Variants in RIIAD1 observed in about 807,000 individuals in gnomAD.
RIIAD1 encodes the protein RIIa domain-containing protein 1.
In RIIAD1, 15 loss-of-function variants were observed where a neutral mutation model predicts 13.3. That is an observed-to-expected ratio of 1.13 (90% CI 0.76 to 1.74). The LOEUF is 1.74. Among genes scored for constraint, RIIAD1 ranks in the 40% most tolerant of loss-of-function variants. RIIAD1 has a pLI of 0.00. For synonymous variants in RIIAD1, 50 were observed against 43.3 expected (o/e 1.16, Z -0.61); for missense variants, 121 against 112.2 (o/e 1.08, Z -0.35).
chr1:151,717,959 G>A (rs1463753518), upstream of RIIAD1, among the ~76,000 whole-genome samples: 2 of 152,094 alleles, frequency 1.3e-5, no homozygotes, highest in Non-Finnish European at 2.9e-5. Flanking sequence ...CTTGTCAGTG[G>A]TGGTAGCCCT....
chr1:151,726,075 G>A (rs1172176035), intron 2 of RIIAD1, among the ~76,000 whole-genome samples: 1 of 152,132 alleles, frequency 6.6e-6, no homozygotes, highest in Non-Finnish European at 1.5e-5. Context: ...CTCTTTCTGG[G>A]CCTTTGCTCT....
chr1:151,729,031 T>C (rs1647256716), intron 4 of RIIAD1, 138 bp downstream of exon 4: 2 of 592,150 alleles, frequency 3.4e-6, no homozygotes, highest in Admixed American at 5.9e-5. Flanking sequence ...GTTTTTCCTC[T>C]ACTGTTTTGG....
At chr1:151,727,120 C>T (rs991274384) in intron 2 of RIIAD1, among the ~76,000 whole-genome samples, 3 of 151,944 alleles carry the variant, frequency 2.0e-5, no homozygotes, top group African/African-American at 4.8e-5. Flanking sequence ...AAGACTCTGC[C>T]GCTACAAAAA....
In RIIAD1 at chr1:151,722,460, T is replaced by C. The variant is rs139634265; in HGVS notation, c.161+298T>C. The stretch of plus-strand genomic sequence containing the variant: ...GCCCTTCCCTACTTGAAAACATTAC[T>C]GTAGAAAAATTCCAAGGGTTGGAAG... On this transcript the variant is annotated intron_variant, in intron 2 of 4. Transcript: ENST00000479191. Among the ~76,000 whole-genome samples, 14 of 152,292 alleles carry C rather than the reference T, an allele frequency of 9.2e-5. No individual in the cohort carries two copies. The East Asian group carries it at 2.5e-3, about 27-fold the overall frequency.
chr1:151,716,575 C>G (rs569912984), upstream of RIIAD1: 1 of 344,780 alleles, frequency 2.9e-6, no homozygotes. Context: ...CTGCTGGGTC[C>G]GAAGATCCCT....
Position 151,716,070 on chromosome 1 carries a change from G to T in RIIAD1, c.21+1541G>T, listed in dbSNP as rs776182023. 4 of 1,540,840 alleles carry T rather than the reference G, an allele frequency of 2.6e-6. No individual in the cohort carries two copies. In the Admixed American group the frequency reaches 6.1e-5, roughly 23 times the overall value. On this transcript the variant is annotated intron_variant, in intron 4 of 8. Coordinates refer to the RIIAD1 transcript ENST00000326413. Reference sequence around the variant, plus strand: ...GAGGGGAGCAGGGAGAGGCCCAAAGGCCAAGGGGAGCTGCCCAGCAAGGAG... The same window carrying T: ...GAGGGGAGCAGGGAGAGGCCCAAAGTCCAAGGGGAGCTGCCCAGCAAGGAG...
chr1:151,726,981 T>A (rs1010666727), intron 2 of RIIAD1, among the ~76,000 whole-genome samples: 2 of 152,184 alleles, frequency 1.3e-5, no homozygotes, highest in Non-Finnish European at 2.9e-5. Flanking sequence ...TGGCTTGAGA[T>A]CTGGTTCAGT....
At chr1:151,714,529 G>A (rs1465780350) in exon 4 of RIIAD1, 25 of 1,152,628 alleles carry the variant, frequency 2.2e-5, no homozygotes, top group Non-Finnish European at 2.8e-5. Context: ...TCAGGAGGGT[G>A]GTGAGCCTCC....
intron 2 of RIIAD1, 36 bp from the exon 3 acceptor site, chr1:151,727,539 A>G (rs902143043): frequency 1.4e-6 from 2 of 1,434,860 alleles, no homozygotes; most frequent in African/African-American, 2.8e-5. Context: ...GTTAAAGTCT[A>G]CTTTACCTCC....
At position 151,722,152 on chromosome 1, in the gene RIIAD1, G is replaced by C; in HGVS notation, c.151G>C (p.Gly51Arg). 1 of 1,549,286 alleles carries C rather than the reference G, an allele frequency of 6.5e-7. No homozygotes were observed. The highest frequency in any genetic ancestry group is 8.7e-7 in the Non-Finnish European group (1 of 1,144,856). Residue 51 changes from glycine to arginine, a missense_variant, in exon 2 of 5, where the codon GGT (glycine) becomes CGT (arginine). Gly to Arg is a moderately radical substitution (Grantham distance 125). Coordinates refer to ENST00000479191, the MANE Select transcript of RIIAD1 (RefSeq NM_001144956.3). ...THKEVEWLIS[G>R]FFREIFLKRP... The stretch of plus-strand genomic sequence containing the variant: ...CAAAGAAGTAGAGTGGCTCATAAGT[G>C]GTTTCTTCAGGTAGGTGGTTTTCCA...
chr1:151,728,046 G>A (rs1222237508), intron 3 of RIIAD1, among the ~76,000 whole-genome samples: 1 of 152,192 alleles, frequency 6.6e-6, no homozygotes, highest in African/African-American at 2.4e-5. Context: ...AGACTCCCCA[G>A]GTGATTCTAA....
rs1035984443 is a variant in RIIAD1 at position 151,722,015 on chromosome 1, C to T, written c.85-71C>T. The stretch of plus-strand genomic sequence containing the variant: ...AAATGCGCACGCCGTTTCCCGCAGC[C>T]CTTCACATCTCCAGGGCTGAACCCT... On this transcript the variant is annotated intron_variant, in intron 1 of 4. Coordinates refer to ENST00000479191, the MANE Select transcript of RIIAD1 (RefSeq NM_001144956.3). The T allele has an allele frequency of 3.7e-6, 4 of 1,093,322 alleles. 1 individual carries two copies. The South Asian group carries it at 4.0e-5, about 11-fold the overall frequency. The allele number at this position is 1,093,322 out of a possible 1,614,324, so 67.7% of individuals were successfully genotyped here. A position where few individuals can be genotyped will look rare whatever the true frequency, so the allele number is the denominator to read the frequency against.
At chr1:151,719,819 C>A, upstream of RIIAD1, 1 of 586,788 alleles carries the variant, frequency 1.7e-6, no homozygotes, top group Non-Finnish European at 3.0e-6. Context: ...GATTGATTAT[C>A]AAAGCACAAG....
chr1:151,716,865 TC>T (rs1393482504), upstream of RIIAD1: 3 of 440,182 alleles, frequency 6.8e-6, no homozygotes, highest in Non-Finnish European at 1.4e-5. Flanking sequence ...GTGATGTCAG[TC>T]TCAGGGGTCG....
At chr1:151,718,943 C>A (rs1673688451), upstream of RIIAD1, among the ~76,000 whole-genome samples, 1 of 152,212 alleles carries the variant, frequency 6.6e-6, no homozygotes, top group Non-Finnish European at 1.5e-5. Flanking sequence ...CTGTTGATCT[C>A]ATTACTCTAT....
chr1:151,717,607 G>A (rs1344951156), upstream of RIIAD1, among the ~76,000 whole-genome samples: 3 of 152,086 alleles, frequency 2.0e-5, no homozygotes, highest in African/African-American at 7.2e-5. Flanking sequence ...TGCGTAGCAG[G>A]AGCTTAACAA....
intron 4 of RIIAD1, chr1:151,716,064 C>T (rs754586578): frequency 1.9e-5 from 29 of 1,561,708 alleles, no homozygotes; most frequent in Non-Finnish European, 2.3e-5. Context: ...AGGGAGAGGC[C>T]CAAAGGCCAA....
At chr1:151,720,109 T>A (rs1673708399), upstream of RIIAD1, among the ~76,000 whole-genome samples, 1 of 152,228 alleles carries the variant, frequency 6.6e-6, no homozygotes, top group South Asian at 2.1e-4. Context: ...TTACATGTTA[T>A]TAATGAGATT....
upstream of RIIAD1, among the ~76,000 whole-genome samples, chr1:151,720,733 G>A (rs1037646366): frequency 6.6e-6 from 1 of 152,142 alleles, no homozygotes; most frequent in Non-Finnish European, 1.5e-5. Context: ...CGATCTCTGT[G>A]GGGGTAGGAG....
Sources: allele counts gnomAD v4.1 joint callset (sites outside exome capture counted in the v4.1 genomes callset), GRCh38; gene constraint gnomAD v4.1.1; transcripts MANE v1.5; gene names NCBI Gene and HGNC (gene_info 2026-07-23, HGNC 2026-07-21).